The following FGFR2 variants were observed in gnomAD, a reference collection of about 807,000 sequenced individuals.
FGFR2 encodes the protein BEK fibroblast growth factor receptor.
In FGFR2, 19 loss-of-function variants were observed where a neutral mutation model predicts 95.9. The ratio of observed to expected loss-of-function variants is 0.20; its 90% confidence interval spans 0.14 to 0.29. The LOEUF is 0.29. Ranked by LOEUF, FGFR2 falls within the 10% of genes least tolerant of loss-of-function variation. The pLI is 1.00. For missense variants in FGFR2, 707 were observed against 1,056.9 expected (o/e 0.67, Z 4.59); for synonymous variants, 392 against 393.3 (o/e 1.00, Z 0.04).
In FGFR2 at chr10:121,499,634, T is replaced by C. The variant is rs974986943; in HGVS notation, c.1562-1029A>G. ...AGACCTCCCTTTTTGCAATATCCCA[T>C]GTAACTCTGAGCTCCATTAGCAAAA... is the stretch of plus-strand genomic sequence containing the variant. On this transcript the variant is annotated intron_variant, in intron 11 of 17. Transcript: ENST00000358487. 3.3e-5 allele frequency among the ~76,000 whole-genome samples: 5 copies of C among 152,210 alleles called. No homozygotes were observed. The South Asian group carries it at 6.2e-4, about 19-fold the overall frequency.
intron 5 of FGFR2, among the ~76,000 whole-genome samples, chr10:121,542,550 A>G (rs542856290): frequency 1.1e-4 from 16 of 152,380 alleles, no homozygotes; most frequent in African/African-American, 3.8e-4. Flanking sequence ...CTCATGGCCA[A>G]ATCTTTGTGG....
At position 121,592,803 on chromosome 10, in the gene FGFR2, A is replaced by G. The variant is rs2981582; in HGVS notation, c.109+906T>C. Among the ~76,000 whole-genome samples, 88,779 of 151,896 alleles carry G rather than the reference A, an allele frequency of 0.58. 26,097 individuals are homozygous for G. Among genetic ancestry groups the G allele is most frequent in the East Asian group, 0.69 (3,564 of 5,170 alleles). ...CAGGCAGGCACCAGGTGGACTCTCC[A>G]CAAACAGGTTCATTAAGTGGCGATG... On this transcript the variant is annotated intron_variant, in intron 2 of 17. Coordinates refer to ENST00000358487, the MANE Select transcript of FGFR2 (RefSeq NM_000141.5).
chr10:121,492,541 T>C (rs1264100871), intron 13 of FGFR2, among the ~76,000 whole-genome samples: 2 of 152,196 alleles, frequency 1.3e-5, no homozygotes, highest in East Asian at 3.9e-4. Flanking sequence ...CAGTTCTCTT[T>C]TGCCCCTTCC....
At chr10:121,487,301 G>C (rs2133821744) in intron 15 of FGFR2, 53 bp downstream of exon 15, 1 of 1,395,584 alleles carries the variant, frequency 7.2e-7, no homozygotes, top group Non-Finnish European at 1.0e-6. Flanking sequence ...AGTACGTACA[G>C]TATTTTTGCA....
At chr10:121,487,558 G>T in intron 14 of FGFR2, 134 bp from the exon 15 acceptor site, 1 of 741,326 alleles carries the variant, frequency 1.3e-6, no homozygotes, top group Non-Finnish European at 2.4e-6. Context: ...GCAGAAATCA[G>T]TCCCAATGAG....
rs558682547 is a variant in FGFR2, at chr10:121,576,044, G to A, written c.110-10340C>T. Among the ~76,000 whole-genome samples the A allele has an allele frequency of 3.6e-3, 538 of 147,660 alleles. 1 individual carries two copies. Among genetic ancestry groups the A allele is most frequent in the African/African-American group, 0.012 (475 of 39,938 alleles). Reference sequence around the variant, plus strand: ...CTCTACTAAAAATACAAAATTAGCCGGGCGTGGTGGCACACGCCTGTAATC... The same window carrying A: ...CTCTACTAAAAATACAAAATTAGCCAGGCGTGGTGGCACACGCCTGTAATC... On this transcript the variant is annotated intron_variant, in intron 2 of 17. Transcript: ENST00000358487.
chr10:121,558,592 T>C (rs931121281), intron 4 of FGFR2, among the ~76,000 whole-genome samples: 17 of 151,734 alleles, frequency 1.1e-4, no homozygotes, highest in African/African-American at 3.9e-4. Flanking sequence ...AACATGATGT[T>C]AATAGATACA....
intron 5 of FGFR2, among the ~76,000 whole-genome samples, chr10:121,548,922 C>G (rs977898470): frequency 9.9e-5 from 15 of 152,092 alleles, no homozygotes; most frequent in African/African-American, 3.6e-4. Flanking sequence ...AAGGGCCAAC[C>G]TTTGAATCTC....
At chr10:121,583,788 G>A (rs902499098) in intron 2 of FGFR2, among the ~76,000 whole-genome samples, 1 of 151,304 alleles carries the variant, frequency 6.6e-6, no homozygotes, top group Admixed American at 6.6e-5. Context: ...TGCTCAGGAA[G>A]AAGGGAAATT....
chr10:121,568,077 TTAAAC>T (rs1291487907), intron 2 of FGFR2, among the ~76,000 whole-genome samples: 2 of 152,066 alleles, frequency 1.3e-5, no homozygotes, highest in African/African-American at 4.8e-5. Flanking sequence ...TAGAAATACT[TTAAAC>T]TATGGAGACC....
At position 121,488,070 on chromosome 10, in the gene FGFR2, T is replaced by G; in HGVS notation, c.1907A>C (p.Glu636Ala). The G allele has an allele frequency of 6.2e-7, 1 of 1,614,204 alleles. No individual in the cohort carries two copies. Among genetic ancestry groups the G allele is most frequent in the Non-Finnish European group, 8.5e-7 (1 of 1,180,022 alleles). The change falls in exon 14 of 18, where the codon GAA (glutamate) becomes GCA (alanine). Residue 636 changes from glutamate to alanine, a missense_variant. By Grantham distance (107) the Glu-to-Ala change is moderately radical (BLOSUM62 -1). Around this residue, in one of 7 missense-constraint regions of FGFR2, gnomAD observed 104 missense variants for 214.2 expected, o/e 0.49. Transcript: ENST00000358487. Reference protein sequence around the residue: ...DLAARNVLVTENNVMKIADFG... With the variant: ...DLAARNVLVTANNVMKIADFG... The stretch of plus-strand genomic sequence containing the variant: ...GTCTGCTATTTTCATCACATTGTTT[T>G]CTGTTACCAAAACATTTCTGGCTGC...
At chr10:121,591,571 C>A (rs1035072098) in intron 2 of FGFR2, among the ~76,000 whole-genome samples, 1 of 152,176 alleles carries the variant, frequency 6.6e-6, no homozygotes, top group Admixed American at 6.5e-5. Flanking sequence ...TCTTCTTAAG[C>A]CCTCAGACGA....
At position 121,498,616 on chromosome 10, in the gene FGFR2, T is replaced by G. The variant is rs41293744; in HGVS notation, c.1562-11A>C. On this transcript the variant is annotated splice_polypyrimidine_tract_variant and intron_variant, in intron 11 of 17. Transcript: ENST00000358487. ...TCTCTGTGGCATCATCTATGAACAG[T>G]AGGCATATTCACAAATCAGTTCATT... The G allele has an allele frequency of 6.2e-7, 1 of 1,611,060 alleles. No individual in the cohort carries two copies. Among genetic ancestry groups the G allele is most frequent in the Non-Finnish European group, 8.5e-7 (1 of 1,177,156 alleles).
In FGFR2 at chr10:121,520,017, A is replaced by C; in HGVS notation, c.901T>G (p.Tyr301Asp). 1.2e-6 allele frequency: 2 copies of C among 1,614,166 alleles called. No individual in the cohort carries two copies. The highest frequency in any genetic ancestry group is 1.7e-6 in the Non-Finnish European group (2 of 1,180,030). ...AGGTAGGGCAGCCCGTCGGGCCCGT[A>C]TTTACTGCCGTTCTTTTCCACGTGC... ...IKHVEKNGSK[Y>D]GPDGLPYLKV... Residue 301 changes from tyrosine to aspartate, a missense_variant, in exon 7 of 18, where the codon TAC (tyrosine) becomes GAC (aspartate). By Grantham distance (160) the Tyr-to-Asp change is radical. Transcript: ENST00000358487.
chr10:121,500,203 G>T (rs1847418030), intron 11 of FGFR2, among the ~76,000 whole-genome samples: 1 of 152,202 alleles, frequency 6.6e-6, no homozygotes, highest in African/African-American at 2.4e-5. Context: ...ATGAAGCAGG[G>T]TTGGAAGGTT....
In FGFR2 at chr10:121,496,594, T is replaced by G. The variant is rs1485035386; in HGVS notation, c.1801A>C (p.Lys601Gln). Reference sequence around the variant, plus strand: ...TGGTAGGTGCATGACACCAAGTCCTTGAAGGTCATCTGCTCCTCAGGAACA... The same window carrying G: ...TGGTAGGTGCATGACACCAAGTCCTGGAAGGTCATCTGCTCCTCAGGAACA... ...NRVPEEQMTF[K>Q]DLVSCTYQLA... Residue 601 changes from lysine (K) to glutamine (Q), a missense_variant, in exon 13 of 18, where the codon AAG (lysine) becomes CAG (glutamine). By Grantham distance (53) the Lys-to-Gln change is moderately conservative. Coordinates refer to ENST00000358487, the MANE Select transcript of FGFR2 (RefSeq NM_000141.5). The G allele has an allele frequency of 6.2e-7, 1 of 1,613,666 alleles. No individual in the cohort carries two copies.
intron 9 of FGFR2, among the ~76,000 whole-genome samples, chr10:121,505,048 T>C (rs754982596): frequency 2.0e-5 from 3 of 152,192 alleles, no homozygotes; most frequent in African/African-American, 4.8e-5. Context: ...CCCAGGTGGA[T>C]AGTACTCCTG....
intron 4 of FGFR2, among the ~76,000 whole-genome samples, chr10:121,561,746 A>C (rs1857004437): frequency 6.6e-6 from 1 of 152,228 alleles, no homozygotes; most frequent in Admixed American, 6.5e-5. Context: ...CAAGAGAATG[A>C]AAAGGCAAGC....
In FGFR2 at chr10:121,596,692, G is replaced by A. The variant is rs1023933378; in HGVS notation, c.-151+1270C>T. The A allele has an allele frequency of 3.6e-5, 7 of 196,430 alleles. No homozygotes were observed. In the East Asian group the frequency reaches 3.9e-4, roughly 11 times the overall value. The allele number at this position is 196,430 out of a possible 1,614,324, so 12.2% of individuals were successfully genotyped here. A position where few individuals can be genotyped will look rare whatever the true frequency, so the allele number is the denominator to read the frequency against. ...TGACCCAGGACCACAAAGCCCTCCC[G>A]GTTTAATGCTTGCGTCCAATCAGAA... On this transcript the variant is annotated intron_variant, in intron 1 of 17. Transcript: ENST00000358487.
Sources: gnomAD v4.1 joint callset for allele counts (sites outside exome capture counted in the v4.1 genomes callset) on GRCh38, gnomAD v4.1.1 for gene constraint, gnomAD v4.1.1 regional missense constraint, MANE v1.5 for transcripts, NCBI Gene and HGNC (gene_info 2026-07-23, HGNC 2026-07-21) for gene names.